CEMIP: variants seen among roughly 807,000 people sequenced by gnomAD.
CEMIP encodes the protein cell migration-inducing and hyaluronan-binding protein.
A neutral mutation model predicts 156.9 loss-of-function variants in CEMIP; 105 were observed. That is an observed-to-expected ratio of 0.67 (90% CI 0.57 to 0.79). The LOEUF (loss-of-function observed/expected upper bound fraction) is 0.79. Among genes scored for constraint, CEMIP ranks in the 30% least tolerant of loss-of-function variants. The pLI is 0.00. For missense variants in CEMIP, 1,457 were observed against 1,769.4 expected (o/e 0.82, Z 3.17); for synonymous variants, 676 against 668.4 (o/e 1.01, Z -0.17).
intron 19 of CEMIP, among the ~76,000 whole-genome samples, chr15:80,926,757 AT>A (rs199822619): frequency 7.9e-5 from 11 of 139,004 alleles, no homozygotes; most frequent in African/African-American, 3.1e-4. Flanking sequence ...TAAACAATAA[AT>A]TTTTTTTTAA....
At chr15:80,823,165 A>G (rs1162752242) in intron 1 of CEMIP, among the ~76,000 whole-genome samples, 1 of 152,240 alleles carries the variant, frequency 6.6e-6, no homozygotes, top group Non-Finnish European at 1.5e-5. Context: ...GTTTGTTTGA[A>G]TTTCTTGTTT....
At chr15:80,861,249 A>T (rs1897979976) in intron 1 of CEMIP, among the ~76,000 whole-genome samples, 1 of 151,864 alleles carries the variant, frequency 6.6e-6, no homozygotes, top group South Asian at 2.1e-4. Flanking sequence ...TTCCCCTCCC[A>T]TTCCTCCTCC....
At chr15:80,925,593 C>T in intron 18 of CEMIP, 31 bp from the exon 19 acceptor site, 1 of 1,608,908 alleles carries the variant, frequency 6.2e-7, no homozygotes, top group Non-Finnish European at 8.5e-7. Context: ...CCAACACCGC[C>T]ACCTGTGCCC....
intron 7 of CEMIP, among the ~76,000 whole-genome samples, chr15:80,886,657 T>C (rs915762298): frequency 2.6e-5 from 4 of 152,190 alleles, no homozygotes; most frequent in Admixed American, 2.6e-4. Flanking sequence ...TTTCAGATAG[T>C]AAGTTTTAAA....
intron 1 of CEMIP, among the ~76,000 whole-genome samples, chr15:80,819,773 A>G (rs185714764): frequency 2.5e-4 from 38 of 152,362 alleles, no homozygotes; most frequent in Admixed American, 2.0e-3. Context: ...GGCCCATGCC[A>G]GGTATTTCTT....
At chr15:80,806,971 G>A (rs1219194307) in intron 1 of CEMIP, among the ~76,000 whole-genome samples, 2 of 152,216 alleles carry the variant, frequency 1.3e-5, no homozygotes, top group Non-Finnish European at 2.9e-5. Flanking sequence ...GTTTAAGATA[G>A]AAGAGCCTCA....
chr15:80,833,787 G>A (rs565246069), intron 1 of CEMIP, among the ~76,000 whole-genome samples: 1 of 151,276 alleles, frequency 6.6e-6, no homozygotes, highest in African/African-American at 2.4e-5. Context: ...TCCTGCCTCA[G>A]CCTCCTTAGT....
Position 80,896,792 on chromosome 15 carries a change from A to G in CEMIP, c.1411+732A>G, listed in dbSNP as rs150970098. On this transcript the variant is annotated intron_variant, in intron 12 of 29. Transcript: ENST00000394685. ...CTTGACTATCTTAAGCAAAACAGGA[A>G]TTTATTGAGAGGCTATTCAACTTGG... Among the ~76,000 whole-genome samples, 4 of 152,360 alleles carry G rather than the reference A, an allele frequency of 2.6e-5. No individual in the cohort carries two copies. The East Asian group carries it at 7.7e-4, about 29-fold the overall frequency.
chr15:80,783,342 A>G (rs1895844826), intron 1 of CEMIP, among the ~76,000 whole-genome samples: 1 of 152,162 alleles, frequency 6.6e-6, no homozygotes, highest in African/African-American at 2.4e-5. Flanking sequence ...AAAAGTCTGG[A>G]CTACACATCT....
chr15:80,924,478 G>A, intron 17 of CEMIP, 143 bp from the exon 18 acceptor site: 1 of 743,780 alleles, frequency 1.3e-6, no homozygotes, highest in East Asian at 2.7e-5. Context: ...CCTTACTGTA[G>A]ATCCTCTACT....
At chr15:80,857,497 A>G (rs1489334778) in intron 1 of CEMIP, among the ~76,000 whole-genome samples, 2 of 152,152 alleles carry the variant, frequency 1.3e-5, no homozygotes, top group Non-Finnish European at 2.9e-5. Flanking sequence ...AAAGAGATGC[A>G]CAGAAGCCAG....
At chr15:80,833,325 C>T (rs980910008) in intron 1 of CEMIP, among the ~76,000 whole-genome samples, 1 of 152,088 alleles carries the variant, frequency 6.6e-6, no homozygotes, top group African/African-American at 2.4e-5. Context: ...AGATATTGCA[C>T]CCAACCCCTG....
At chr15:80,841,941 T>TTACA in intron 1 of CEMIP, 1 of 276,362 alleles carries the variant, frequency 3.6e-6, no homozygotes, top group Non-Finnish European at 7.7e-6. Flanking sequence ...CTGGCGGGGA[T>TTACA]TACATACAAA....
At chr15:80,825,253 T>C (rs1897005789) in intron 1 of CEMIP, among the ~76,000 whole-genome samples, 1 of 152,150 alleles carries the variant, frequency 6.6e-6, no homozygotes, top group African/African-American at 2.4e-5. Flanking sequence ...TGTGTGTGTG[T>C]GCATGTGTGC....
At chr15:80,846,944 C>T (rs1373448537) in intron 1 of CEMIP, among the ~76,000 whole-genome samples, 1 of 152,150 alleles carries the variant, frequency 6.6e-6, no homozygotes, top group Admixed American at 6.5e-5. Context: ...GTCCAGGGTT[C>T]CATCCCAGAA....
chr15:80,897,263 T>C (rs1244441642), intron 12 of CEMIP: 1 of 456,046 alleles, frequency 2.2e-6, no homozygotes, highest in Admixed American at 2.3e-5. Flanking sequence ...CCATATCTAT[T>C]ATTTTGGAAA....
chr15:80,843,691 G>A (rs545781853), intron 1 of CEMIP, among the ~76,000 whole-genome samples: 10 of 152,298 alleles, frequency 6.6e-5, no homozygotes, highest in Admixed American at 2.0e-4. Context: ...AGTCTCAGAC[G>A]GTTTCTATAT....
intron 14 of CEMIP, among the ~76,000 whole-genome samples, chr15:80,916,669 G>A (rs934191477): frequency 6.6e-6 from 1 of 151,858 alleles, no homozygotes; most frequent in African/African-American, 2.4e-5. Flanking sequence ...TTTAACACTG[G>A]GTAATGTTCT....
At chr15:80,857,760 C>T (rs772547621) in intron 1 of CEMIP, among the ~76,000 whole-genome samples, 2 of 152,054 alleles carry the variant, frequency 1.3e-5, no homozygotes, top group Non-Finnish European at 2.9e-5. Flanking sequence ...AGTTAATGGA[C>T]AATAAGCAAA....
Sources: gnomAD v4.1 joint callset for allele counts (sites outside exome capture counted in the v4.1 genomes callset) on GRCh38, gnomAD v4.1.1 for gene constraint, MANE v1.5 for transcripts, NCBI Gene and HGNC (gene_info 2026-07-23, HGNC 2026-07-21) for gene names.